The following RSF1 variants were observed in gnomAD, a reference collection of about 807,000 sequenced individuals.
The protein encoded by RSF1 is remodeling and spacing factor 1.
In RSF1, 13 loss-of-function variants were observed where a neutral mutation model predicts 145.2. That is an observed-to-expected ratio of 0.09 (90% CI 0.06 to 0.14). The LOEUF is 0.14. Among genes scored for constraint, RSF1 ranks in the 10% least tolerant of loss-of-function variants. The pLI is 1.00. For missense variants in RSF1, 1,517 were observed against 1,718.2 expected, an observed-to-expected ratio of 0.88 and a Z score of 2.07; for synonymous variants, 577 against 592.6, an observed-to-expected ratio of 0.97 and a Z score of 0.38.
At position 77,665,050 on chromosome 11, in the gene RSF1, A is replaced by C. The variant is rs1243497125; in HGVS notation, c.*1867T>G. The C allele has an allele frequency of 6.6e-6, 1 of 152,252 alleles. No individual in the cohort carries two copies. Among genetic ancestry groups the C allele is most frequent in the Non-Finnish European group, 1.5e-5 (1 of 68,052 alleles). The allele number at this position is 152,252 out of a possible 1,614,324, so 9.4% of individuals were successfully genotyped here. A position where few individuals can be genotyped will look rare whatever the true frequency, so the allele number is the denominator to read the frequency against. On this transcript the variant is annotated 3_prime_UTR_variant, in exon 16 of 16. Transcript: ENST00000308488. ...ATTAATGGGCAGGTACTACAGAACT[A>C]AAGTGAAACAAAACAAAACAACGAA...
rs529962332 is a variant in RSF1 at position 77,775,860 on chromosome 11, A to T, written c.188-11171T>A. Among the ~76,000 whole-genome samples, 105 of 152,090 alleles carry T rather than the reference A, an allele frequency of 6.9e-4. 1 individual carries two copies. The highest frequency in any genetic ancestry group is 1.3e-3 in the Admixed American group (20 of 15,270). ...CGGGGCTCACTGACTGCAGCCTCAAACTCCTAGGCTCAAGCAATCCTCCTA... is the reference window on the plus strand; with the variant it reads ...CGGGGCTCACTGACTGCAGCCTCAATCTCCTAGGCTCAAGCAATCCTCCTA... On this transcript the variant is annotated intron_variant, in intron 1 of 15. Coordinates refer to ENST00000308488, the MANE Select transcript of RSF1 (RefSeq NM_016578.4).
At position 77,701,364 on chromosome 11, in the gene RSF1, G is replaced by C; in HGVS notation, c.1865C>G (p.Ser622Cys). 1.2e-6 allele frequency: 2 copies of C among 1,613,970 alleles called. No homozygotes were observed. The highest frequency in any genetic ancestry group is 1.7e-6 in the Non-Finnish European group (2 of 1,180,002). The change falls in exon 6 of 16, where the codon TCT (serine) becomes TGT (cysteine). Residue 622 changes from serine (S) to cysteine (C), a missense_variant. Physicochemically the swap from Ser to Cys is moderately radical, Grantham distance 112. Transcript: ENST00000308488. ...TGGAGAAGTTTCAGCTGCCTCAGGAGAGCCAGGCTTTTCTGACTCTAGAGT... is the reference window on the plus strand; with the variant it reads ...TGGAGAAGTTTCAGCTGCCTCAGGACAGCCAGGCTTTTCTGACTCTAGAGT... ...KSTLESEKPG[S>C]PEAAETSPPS...
chr11:77,708,876 T>C (rs1960614154), intron 5 of RSF1, among the ~76,000 whole-genome samples: 1 of 152,192 alleles, frequency 6.6e-6, no homozygotes, highest in South Asian at 2.1e-4. Context: ...GCAAACTTTC[T>C]ATAAAGGGTC....
At chr11:77,800,017 C>T (rs1033487184) in intron 1 of RSF1, among the ~76,000 whole-genome samples, 35 of 152,104 alleles carry the variant, frequency 2.3e-4, no homozygotes, top group Non-Finnish European at 5.0e-4. Flanking sequence ...TCAGCTTTCC[C>T]ACAAAGCACT....
Position 77,700,904 on chromosome 11 carries a change from T to C in RSF1, c.2325A>G (p.Leu775=). The change falls in exon 6 of 16, where the codon TTA becomes TTG. Residue 775 remains leucine, a synonymous_variant. Transcript: ENST00000308488. ...GTCTAGATATTCTTGGAGATCTTCT[T>C]AAAGTACGACCCACATTTGTTTTCT... The part of the protein sequence containing the change: ...EEEKTNVGRT[L]RRSPRISRPT... 2 of 1,613,854 alleles carry C rather than the reference T, an allele frequency of 1.2e-6. No homozygotes were observed. Among genetic ancestry groups the C allele is most frequent in the Non-Finnish European group, 1.7e-6 (2 of 1,180,018 alleles).
chr11:77,694,905 T>C (rs1490362360), intron 7 of RSF1, among the ~76,000 whole-genome samples: 4 of 152,176 alleles, frequency 2.6e-5, no homozygotes, highest in Non-Finnish European at 5.9e-5. Context: ...TTGAGTTTGT[T>C]TGATGTTTAC....
At chr11:77,863,532 G>C in the RSF1 span, among the ~76,000 whole-genome samples, 1 of 152,150 alleles carries the variant, frequency 6.6e-6, no homozygotes, top group South Asian at 2.1e-4. Context: ...GGGATTACAG[G>C]CATGTGCCAC....
chr11:77,754,144 AC>A (rs1470945814), intron 2 of RSF1, among the ~76,000 whole-genome samples: 19 of 152,304 alleles, frequency 1.2e-4, no homozygotes, highest in African/African-American at 4.6e-4. Context: ...GGGTAGTTCT[AC>A]CATCATGATG....
chr11:77,771,865 A>C (rs1228479983), intron 1 of RSF1, among the ~76,000 whole-genome samples: 2 of 152,242 alleles, frequency 1.3e-5, no homozygotes, highest in Non-Finnish European at 2.9e-5. Context: ...GCAATACTTC[A>C]GATCAGATAA....
At chr11:77,725,823 G>T in intron 4 of RSF1, 124 bp from the exon 5 acceptor site, 2 of 656,110 alleles carry the variant, frequency 3.0e-6, no homozygotes, top group Non-Finnish European at 4.5e-6. Context: ...AAAAACACTG[G>T]TACAGCTAGC....
the RSF1 span, among the ~76,000 whole-genome samples, chr11:77,845,162 A>G: frequency 6.6e-6 from 1 of 152,146 alleles, no homozygotes; most frequent in Non-Finnish European, 1.5e-5. Flanking sequence ...GGGGAAGTTT[A>G]GAGCCATTAT....
At chr11:77,868,968 A>G in the RSF1 span, 1 of 281,982 alleles carries the variant, frequency 3.5e-6, no homozygotes, top group Non-Finnish European at 6.8e-6. Context: ...ATTTGTTTAC[A>G]ACAATGCCAA....
intron 9 of RSF1, among the ~76,000 whole-genome samples, chr11:77,690,178 A>C (rs930669772): frequency 4.0e-5 from 6 of 151,768 alleles, no homozygotes; most frequent in Non-Finnish European, 7.4e-5. Flanking sequence ...AAAAAAAAAA[A>C]AACAAAAAAC....
intron 7 of RSF1, among the ~76,000 whole-genome samples, chr11:77,697,459 A>T (rs573330149): frequency 1.5e-3 from 41 of 27,106 alleles, no homozygotes; most frequent in East Asian, 6.8e-3. Flanking sequence ...TAAATATATT[A>T]TATAAAATAT....
chr11:77,702,816 T>C (rs1960458384), intron 5 of RSF1: 1 of 183,636 alleles, frequency 5.4e-6, no homozygotes. Context: ...CTTAAAAACA[T>C]AAAATTGAAA....
intron 6 of RSF1, among the ~76,000 whole-genome samples, chr11:77,700,248 G>A (rs972653788): frequency 3.4e-5 from 5 of 147,006 alleles, no homozygotes; most frequent in Non-Finnish European, 6.0e-5. Context: ...CTACTTGGGA[G>A]ACTGAGGCAA....
chr11:77,732,006 G>C (rs566074752), intron 4 of RSF1, among the ~76,000 whole-genome samples: 1 of 152,320 alleles, frequency 6.6e-6, no homozygotes, highest in Admixed American at 6.5e-5. Context: ...ACCCCAGAAT[G>C]GTAGATCCAC....
In RSF1 at chr11:77,820,521, C is replaced by T. The variant is rs1397285937; in HGVS notation, c.187+7G>A. 1 of 1,547,512 alleles carries T rather than the reference C, an allele frequency of 6.5e-7. No homozygotes were observed. Among genetic ancestry groups the T allele is most frequent in the Non-Finnish European group, 8.7e-7 (1 of 1,146,512 alleles). On this transcript the variant is annotated splice_region_variant and intron_variant, in intron 1 of 15. Coordinates refer to ENST00000308488, the MANE Select transcript of RSF1 (RefSeq NM_016578.4). ...CTTCCCGCCGGGCGTTCGGGCCCCT[C>T]GCTTACCTTCTCCGTTGCCGACGTC...
At chr11:77,688,214 C>T (rs1565148707) in intron 9 of RSF1, among the ~76,000 whole-genome samples, 1 of 152,222 alleles carries the variant, frequency 6.6e-6, no homozygotes, top group East Asian at 1.9e-4. Flanking sequence ...ATCGCTTGAA[C>T]CCAGGAGGCA....
Sources: allele counts gnomAD v4.1 joint callset (sites outside exome capture counted in the v4.1 genomes callset), GRCh38; gene constraint gnomAD v4.1.1; transcripts MANE v1.5; gene names NCBI Gene and HGNC (gene_info 2026-07-23, HGNC 2026-07-21).